Variants in UAP1 observed in about 807,000 individuals in gnomAD.
UAP1 encodes the protein UDP-N-acetylhexosamine pyrophosphorylase.
Under a neutral mutation model 58.5 loss-of-function variants are expected in UAP1, and 25 were observed. That is an observed-to-expected ratio of 0.43 (90% CI 0.31 to 0.60). The LOEUF is 0.60. Ranked by LOEUF, UAP1 falls within the 20% of genes least tolerant of loss-of-function variation. The pLI is 0.11. For synonymous variants in UAP1, 208 were observed against 213.0 expected (o/e 0.98, Z 0.21); for missense variants, 575 against 630.0 (o/e 0.91, Z 0.93).
intron 4 of UAP1, among the ~76,000 whole-genome samples, chr1:162,580,828 A>C (rs1417910893): frequency 2.0e-5 from 3 of 152,206 alleles, no homozygotes; most frequent in African/African-American, 7.2e-5. Context: ...CCTCCATATC[A>C]ATCTGTTTTT....
chr1:162,597,701 G>A (rs1287852371), intron 9 of UAP1, 91 bp from the exon 10 acceptor site: 1 of 993,452 alleles, frequency 1.0e-6, no homozygotes, highest in South Asian at 1.5e-5. Context: ...TTATCTGCAA[G>A]CTTCTCAGAG....
At position 162,566,039 on chromosome 1, in the gene UAP1, A is replaced by C. The variant is rs772068526; in HGVS notation, c.-30A>C. The C allele has an allele frequency of 5.6e-6, 9 of 1,598,466 alleles. No individual in the cohort carries two copies. The South Asian group carries it at 1.0e-4, about 18-fold the overall frequency. On this transcript the variant is annotated 5_prime_UTR_variant, in exon 2 of 11. Coordinates refer to ENST00000271469, the Ensembl canonical transcript of UAP1. ...TTACAGGTACATACATTACACCCCT[A>C]TTTCTACAAAGCTTGGCTATTAGAG...
intron 4 of UAP1, among the ~76,000 whole-genome samples, chr1:162,580,452 G>A (rs1654513072): frequency 6.6e-6 from 1 of 152,264 alleles, no homozygotes; most frequent in Admixed American, 6.5e-5. Context: ...TTGTTAATGG[G>A]ACCCACTAGA....
At chr1:162,592,988 G>T in intron 9 of UAP1, 1 of 555,602 alleles carries the variant, frequency 1.8e-6, no homozygotes, top group Non-Finnish European at 3.2e-6. Flanking sequence ...GAAATGGAGA[G>T]CATGCTTTAC....
chr1:162,580,830 T>G (rs1044096729), intron 4 of UAP1, among the ~76,000 whole-genome samples: 11 of 152,204 alleles, frequency 7.2e-5, no homozygotes, highest in African/African-American at 2.7e-4. Flanking sequence ...TCCATATCAA[T>G]CTGTTTTTTT....
intron 5 of UAP1, among the ~76,000 whole-genome samples, chr1:162,584,549 A>G (rs1374274922): frequency 2.0e-5 from 3 of 152,188 alleles, no homozygotes; most frequent in African/African-American, 4.8e-5. Context: ...TGGCATTATC[A>G]TGGCTTCACT....
At chr1:162,599,196 A>G (rs1433772122) in intron 10 of UAP1, 75 bp from the exon 11 acceptor site, 12 of 886,332 alleles carry the variant, frequency 1.4e-5, no homozygotes, top group Non-Finnish European at 1.8e-5. Context: ...GCTTTAAATC[A>G]TCATTATAGC....
intron 1 of UAP1, chr1:162,562,508 G>A (rs998898480): frequency 2.0e-5 from 3 of 151,978 alleles, no homozygotes; most frequent in Admixed American, 2.0e-4. Context: ...CACGTATGCT[G>A]AACATATGGC....
At chr1:162,585,622 GCTTT>G (rs1016721254) in intron 5 of UAP1, among the ~76,000 whole-genome samples, 37 of 152,238 alleles carry the variant, frequency 2.4e-4, no homozygotes, top group Non-Finnish European at 7.4e-5. Context: ...GTTTACAAAT[GCTTT>G]CTTCTGTAAT....
chr1:162,571,218 T>C (rs1260846178), intron 2 of UAP1, among the ~76,000 whole-genome samples: 1 of 151,482 alleles, frequency 6.6e-6, no homozygotes, highest in Non-Finnish European at 1.5e-5. Flanking sequence ...AACCTCTGCC[T>C]CCCAGGTTCA....
chr1:162,572,178 G>T (rs905056603), intron 2 of UAP1, among the ~76,000 whole-genome samples: 5 of 152,178 alleles, frequency 3.3e-5, no homozygotes, highest in African/African-American at 1.2e-4. Flanking sequence ...TATCAGGTTC[G>T]GAGATGGAAA....
At chr1:162,565,625 G>A (rs1304835312) in intron 1 of UAP1, among the ~76,000 whole-genome samples, 1 of 152,154 alleles carries the variant, frequency 6.6e-6, no homozygotes, top group Admixed American at 6.5e-5. Flanking sequence ...TAGCTTAGTG[G>A]TCAGAGGACT....
At chr1:162,588,745 G>A (rs1655069466) in exon 7 of UAP1, 5 of 1,612,386 alleles carry the variant, frequency 3.1e-6, no homozygotes, top group Non-Finnish European at 4.2e-6. Flanking sequence ...GATTCCTTAT[G>A]TGGATACCCA....
chr1:162,578,002 A>T (rs1446936562), intron 3 of UAP1, among the ~76,000 whole-genome samples: 1 of 151,850 alleles, frequency 6.6e-6, no homozygotes, highest in African/African-American at 2.4e-5. Context: ...AAATGCTGAG[A>T]TTACAGGTGT....
chr1:162,579,710 T>C, intron 4 of UAP1, 107 bp downstream of exon 4: 1 of 1,022,210 alleles, frequency 9.8e-7, no homozygotes, highest in East Asian at 2.7e-5. Context: ...AACATTAATA[T>C]ATATGTGTTT....
chr1:162,576,961 C>T, exon 3 of UAP1: 1 of 1,614,014 alleles, frequency 6.2e-7, no homozygotes, highest in Non-Finnish European at 8.5e-7. Flanking sequence ...AATATTATGG[C>T]AACAAATGCA....
chr1:162,582,728 C>T (rs920791687), intron 5 of UAP1, among the ~76,000 whole-genome samples: 13 of 152,226 alleles, frequency 8.5e-5, no homozygotes, highest in Middle Eastern at 3.4e-3. Flanking sequence ...AAAACAAATT[C>T]GATTTCAAAT....
chr1:162,587,448 C>T (rs1654962177), intron 5 of UAP1, 27 bp from the exon 6 acceptor site: 2 of 1,566,174 alleles, frequency 1.3e-6, no homozygotes, highest in Non-Finnish European at 8.7e-7. Flanking sequence ...TCAATTTCCT[C>T]CTCTACTGTT....
chr1:162,579,164 T>C (rs899389157), intron 3 of UAP1, among the ~76,000 whole-genome samples: 5 of 152,226 alleles, frequency 3.3e-5, no homozygotes, highest in African/African-American at 1.2e-4. Context: ...AGCCATTTTA[T>C]AGGTTCTCTT....
Sources: allele counts gnomAD v4.1 joint callset (sites outside exome capture counted in the v4.1 genomes callset), GRCh38; gene constraint gnomAD v4.1.1; transcripts MANE v1.5; gene names NCBI Gene and HGNC (gene_info 2026-07-23, HGNC 2026-07-21).